The following SGCZ variants were observed in gnomAD, a reference collection of about 807,000 sequenced individuals.
SGCZ encodes the protein sarcoglycan zeta.
Under a neutral mutation model 41.3 loss-of-function variants are expected in SGCZ, and 40 were observed. The observed-to-expected ratio is 0.97, with a 90% CI of 0.75 to 1.26. SGCZ has a LOEUF of 1.26. SGCZ is among the 50% of genes most tolerant of loss of function. SGCZ has a pLI of 0.00. For synonymous variants in SGCZ, 206 were observed against 137.5 expected (o/e 1.50, Z -3.49); for missense variants, 552 against 369.8 (o/e 1.49, Z -4.04).
chr8:15,138,789 TA>T (rs1808211105), intron 1 of SGCZ, among the ~76,000 whole-genome samples: 1 of 152,130 alleles, frequency 6.6e-6, no homozygotes, highest in South Asian at 2.1e-4. Flanking sequence ...TGTGAGAAGA[TA>T]GTAATATAGA....
At chr8:15,008,290 C>A (rs1009908320) in intron 1 of SGCZ, among the ~76,000 whole-genome samples, 8 of 151,730 alleles carry the variant, frequency 5.3e-5, no homozygotes, top group Non-Finnish European at 7.4e-5. Flanking sequence ...CCAAATGAGT[C>A]CATTAAGTTT....
chr8:15,204,058 AC>A (rs1373902265), intron 1 of SGCZ, among the ~76,000 whole-genome samples: 11 of 152,310 alleles, frequency 7.2e-5, no homozygotes, highest in African/African-American at 2.4e-4. Flanking sequence ...GCCATAATTA[AC>A]TTTTGAAATT....
intron 1 of SGCZ, among the ~76,000 whole-genome samples, chr8:14,855,722 T>A (rs1399146567): frequency 2.6e-5 from 4 of 152,162 alleles, no homozygotes; most frequent in African/African-American, 7.2e-5. Flanking sequence ...TTCCCAGAAA[T>A]ACTCTCCCTT....
At chr8:14,208,089 T>C (rs1805677679) in intron 4 of SGCZ, among the ~76,000 whole-genome samples, 1 of 152,212 alleles carries the variant, frequency 6.6e-6, no homozygotes, top group South Asian at 2.1e-4. Context: ...TTTAAATGCC[T>C]ATACTCAATG....
At chr8:14,395,958 G>C (rs1026631662) in intron 2 of SGCZ, among the ~76,000 whole-genome samples, 1 of 152,198 alleles carries the variant, frequency 6.6e-6, no homozygotes, top group African/African-American at 2.4e-5. Flanking sequence ...ATCAAACTAA[G>C]AGTTAAAGTG....
intron 5 of SGCZ, among the ~76,000 whole-genome samples, 153 bp downstream of exon 5, chr8:14,164,427 C>T (rs1311078022): frequency 1.3e-5 from 2 of 152,180 alleles, no homozygotes; most frequent in Non-Finnish European, 2.9e-5. Context: ...CAACCAGTGC[C>T]TTCCATTTGA....
intron 5 of SGCZ, among the ~76,000 whole-genome samples, chr8:14,147,743 G>T (rs1286682517): frequency 6.6e-6 from 1 of 151,998 alleles, no homozygotes; most frequent in Non-Finnish European, 1.5e-5. Context: ...TCATAAAATG[G>T]CTACAAAATA....
chr8:14,612,577 T>C (rs1308430556), intron 1 of SGCZ, among the ~76,000 whole-genome samples: 1 of 152,208 alleles, frequency 6.6e-6, no homozygotes, highest in East Asian at 1.9e-4. Context: ...CCTAGATTAT[T>C]TTCCCCCAAA....
At chr8:14,636,448 T>A (rs1032033184) in intron 1 of SGCZ, among the ~76,000 whole-genome samples, 1 of 151,906 alleles carries the variant, frequency 6.6e-6, no homozygotes, top group Non-Finnish European at 1.5e-5. Context: ...AGGAACTAAA[T>A]GTGACGATGA....
intron 3 of SGCZ, among the ~76,000 whole-genome samples, chr8:14,305,329 C>T (rs754004698): frequency 9.2e-5 from 14 of 152,022 alleles, no homozygotes; most frequent in African/African-American, 2.4e-4. Context: ...ATGACCACAG[C>T]GTGCAATATT....
intron 1 of SGCZ, among the ~76,000 whole-genome samples, chr8:14,826,674 C>A (rs1374111502): frequency 6.6e-6 from 1 of 152,152 alleles, no homozygotes; most frequent in African/African-American, 2.4e-5. Flanking sequence ...TTGCATTTCT[C>A]TGATAGCCAG....
intron 1 of SGCZ, among the ~76,000 whole-genome samples, chr8:14,660,027 G>A (rs1193579469): frequency 1.3e-5 from 2 of 152,182 alleles, no homozygotes; most frequent in Admixed American, 1.3e-4. Context: ...GGAGCTAAGA[G>A]AGAAGTTTGA....
At chr8:14,579,648 G>C (rs949117386) in intron 1 of SGCZ, among the ~76,000 whole-genome samples, 3 of 152,186 alleles carry the variant, frequency 2.0e-5, no homozygotes, top group Non-Finnish European at 4.4e-5. Flanking sequence ...TATATCTTCA[G>C]TTTTGTTAAA....
rs1803658472 is a variant in SGCZ, at chr8:14,150,247, C to T, written c.547+14333G>A. On this transcript the variant is annotated intron_variant, in intron 5 of 7. Transcript: ENST00000382080. ...GAGTCACCAAAGTGAAGAGAAAACCCACAAACTGGGAGAAAATATTTGCAA... is the reference window on the plus strand; with the variant it reads ...GAGTCACCAAAGTGAAGAGAAAACCTACAAACTGGGAGAAAATATTTGCAA... Among the ~76,000 whole-genome samples the T allele has an allele frequency of 2.0e-5, 3 of 151,994 alleles. No homozygotes were observed. The South Asian group carries it at 6.2e-4, about 31-fold the overall frequency.
At chr8:14,977,306 A>AGAGG (rs1287959245) in intron 1 of SGCZ, among the ~76,000 whole-genome samples, 1 of 152,196 alleles carries the variant, frequency 6.6e-6, no homozygotes, top group African/African-American at 2.4e-5. Flanking sequence ...TGGAGAACAG[A>AGAGG]GCTTGGTCAA....
chr8:14,635,576 T>A (rs1380638709), intron 1 of SGCZ, among the ~76,000 whole-genome samples: 1 of 151,926 alleles, frequency 6.6e-6, no homozygotes, highest in Non-Finnish European at 1.5e-5. Flanking sequence ...AGTTTTAAAC[T>A]GAGTGCTGCT....
intron 1 of SGCZ, among the ~76,000 whole-genome samples, chr8:15,126,471 T>C (rs925612095): frequency 2.0e-5 from 3 of 152,248 alleles, no homozygotes; most frequent in East Asian, 3.9e-4. Flanking sequence ...ACACGGGGAA[T>C]ACAAACTGGA....
chr8:14,720,386 A>C (rs934583234), intron 1 of SGCZ, among the ~76,000 whole-genome samples: 4 of 152,272 alleles, frequency 2.6e-5, no homozygotes, highest in Admixed American at 2.0e-4. Flanking sequence ...TATAACAATA[A>C]AGAGAATAAC....
chr8:15,179,790 C>T (rs1018340462), intron 1 of SGCZ, among the ~76,000 whole-genome samples: 5 of 152,074 alleles, frequency 3.3e-5, no homozygotes, highest in Admixed American at 6.6e-5. Context: ...AAAATAAAAA[C>T]GGGTTTGGAA....
Sources: gnomAD v4.1 joint callset for allele counts (sites outside exome capture counted in the v4.1 genomes callset) on GRCh38, gnomAD v4.1.1 for gene constraint, MANE v1.5 for transcripts, NCBI Gene and HGNC (gene_info 2026-07-23, HGNC 2026-07-21) for gene names.